MGMT: variants seen among roughly 807,000 people sequenced by gnomAD.
MGMT encodes the protein O-6-methylguanine-DNA methyltransferase.
Under a neutral mutation model 15.9 loss-of-function variants are expected in MGMT, and 14 were observed. That is an observed-to-expected ratio of 0.88 (90% CI 0.58 to 1.37). MGMT has a LOEUF of 1.37. Among genes scored for constraint, MGMT ranks in the 40% most tolerant of loss-of-function variants. MGMT has a pLI of 0.00. For synonymous variants in MGMT, 130 were observed against 118.2 expected, an observed-to-expected ratio of 1.10 and a Z score of -0.65; for missense variants, 282 against 268.1, an observed-to-expected ratio of 1.05 and a Z score of -0.36.
intron 1 of MGMT, among the ~76,000 whole-genome samples, chr10:129,521,434 G>T (rs1315642349): frequency 6.6e-6 from 1 of 152,206 alleles, no homozygotes; most frequent in African/African-American, 2.4e-5. Context: ...GATTCTTCCA[G>T]ATTACTGGAT....
At chr10:129,759,932 G>A (rs1375543456) in intron 4 of MGMT, among the ~76,000 whole-genome samples, 10 of 152,312 alleles carry the variant, frequency 6.6e-5, no homozygotes, top group African/African-American at 2.4e-4. Flanking sequence ...CACGCACCTC[G>A]TGTCTCACCA....
intron 2 of MGMT, among the ~76,000 whole-genome samples, chr10:129,578,642 C>G (rs1212268418): frequency 2.0e-5 from 3 of 152,136 alleles, no homozygotes; most frequent in Non-Finnish European, 4.4e-5. Context: ...TGTAAGAAAC[C>G]TGCACGTTGT....
At chr10:129,489,359 CAAAAA>C (rs34274988) in intron 1 of MGMT, among the ~76,000 whole-genome samples, 15 of 57,348 alleles carry the variant, frequency 2.6e-4, no homozygotes, top group Non-Finnish European at 3.6e-4. Context: ...GACTCTGTCT[CAAAAA>C]AAAAAAAAAA....
At chr10:129,672,959 G>A (rs981758149) in intron 2 of MGMT, among the ~76,000 whole-genome samples, 1 of 152,200 alleles carries the variant, frequency 6.6e-6, no homozygotes, top group African/African-American at 2.4e-5. Context: ...GGCACCGGCA[G>A]TGTGGGATCA....
chr10:129,616,687 C>T (rs1013544734), intron 2 of MGMT, among the ~76,000 whole-genome samples: 1 of 152,186 alleles, frequency 6.6e-6, no homozygotes, highest in African/African-American at 2.4e-5. Context: ...TCGAGAGTCA[C>T]CTTGTTAACT....
At chr10:129,513,802 G>A (rs201484329) in intron 1 of MGMT, among the ~76,000 whole-genome samples, 2 of 152,156 alleles carry the variant, frequency 1.3e-5, no homozygotes, top group Admixed American at 6.5e-5. Flanking sequence ...TCTTCATTGC[G>A]GACAGAGGCT....
intron 2 of MGMT, among the ~76,000 whole-genome samples, chr10:129,611,761 A>G (rs1846963599): frequency 6.6e-6 from 1 of 152,222 alleles, no homozygotes; most frequent in African/African-American, 2.4e-5. Context: ...ATAACCTTGG[A>G]TGAGATGCTT....
intron 3 of MGMT, among the ~76,000 whole-genome samples, chr10:129,738,937 A>C (rs374459297): frequency 2.2e-4 from 34 of 152,262 alleles, no homozygotes; most frequent in Admixed American, 2.2e-3. Flanking sequence ...CCAGCAGCAC[A>C]TCAAAAAGTT....
At chr10:129,712,366 T>A (rs1025201180) in intron 3 of MGMT, among the ~76,000 whole-genome samples, 2 of 152,256 alleles carry the variant, frequency 1.3e-5, no homozygotes, top group African/African-American at 4.8e-5. Flanking sequence ...TTTAACACTT[T>A]AATAATTCCT....
intron 2 of MGMT, among the ~76,000 whole-genome samples, chr10:129,638,453 A>AAAAAAAAG: frequency 2.0e-5 from 3 of 149,148 alleles, no homozygotes; most frequent in Non-Finnish European, 4.5e-5. Context: ...AAAGAAAAAA[A>AAAAAAAAG]AAAGAAAAAT....
chr10:129,646,731 TATATATATA>T (rs1847394103), intron 2 of MGMT, among the ~76,000 whole-genome samples: 1 of 100,312 alleles, frequency 1.0e-5, no homozygotes, highest in Non-Finnish European at 2.0e-5. Context: ...TATATATATA[TATATATATA>T]TATATATATA....
rs137872501 is a variant in MGMT at position 129,565,908 on chromosome 10, A to G, written c.125+29531A>G. ...TGGTGCTTTTTTTGCTGGGGCTTGG[A>G]CCGGAGCGTCTTTAGAGTGACCACT... On this transcript the variant is annotated intron_variant, in intron 2 of 4. Transcript: ENST00000651593. 5.7e-3 allele frequency among the ~76,000 whole-genome samples: 864 copies of G among 152,034 alleles called. 3 individuals carry two copies. The highest frequency in any genetic ancestry group is 8.5e-3 in the Non-Finnish European group (580 of 67,972).
intron 3 of MGMT, among the ~76,000 whole-genome samples, chr10:129,740,088 G>C (rs370887872): frequency 3.2e-4 from 49 of 152,316 alleles, no homozygotes; most frequent in East Asian, 2.7e-3. Context: ...GTATTTTCTC[G>C]TTAGCAGAGC....
At chr10:129,625,703 C>A (rs1847139108) in intron 2 of MGMT, among the ~76,000 whole-genome samples, 1 of 149,250 alleles carries the variant, frequency 6.7e-6, no homozygotes, top group African/African-American at 2.5e-5. Context: ...TCTTACATGA[C>A]AGCGTGTATA....
intron 2 of MGMT, among the ~76,000 whole-genome samples, chr10:129,572,877 A>G (rs1193297662): frequency 6.6e-6 from 1 of 152,144 alleles, no homozygotes; most frequent in Non-Finnish European, 1.5e-5. Flanking sequence ...CCCTATTATT[A>G]ATATACATTT....
rs560782979 is a variant in MGMT at position 129,661,464 on chromosome 10, T to C, written c.126-46431T>C. 1.1e-4 allele frequency among the ~76,000 whole-genome samples: 16 copies of C among 152,346 alleles called. No individual in the cohort carries two copies. The South Asian group carries it at 1.7e-3, about 16-fold the overall frequency. ...GGATTTCTAAAATGGCTTTTTATTT[T>C]TCAAAAAGCTTACATTTGACAACTA... On this transcript the variant is annotated intron_variant, in intron 2 of 4. Coordinates refer to ENST00000651593, the MANE Select transcript of MGMT (RefSeq NM_002412.5).
At chr10:129,701,182 C>T (rs534224727) in intron 2 of MGMT, 59 of 152,356 alleles carry the variant, frequency 3.9e-4, no homozygotes, top group African/African-American at 1.3e-3. Context: ...CGTCCAAGCT[C>T]GGCACCTTGC....
intron 2 of MGMT, among the ~76,000 whole-genome samples, chr10:129,615,282 A>C (rs911772338): frequency 1.3e-5 from 2 of 152,156 alleles, no homozygotes; most frequent in African/African-American, 2.4e-5. Context: ...GCCTCCCCTG[A>C]CGTGCCCCTG....
chr10:129,506,061 G>A (rs1845622040), intron 1 of MGMT, among the ~76,000 whole-genome samples: 1 of 150,698 alleles, frequency 6.6e-6, no homozygotes, highest in South Asian at 2.1e-4. Context: ...TTTCAACTGG[G>A]GGCAGTTTTG....
Sources: allele counts gnomAD v4.1 joint callset (sites outside exome capture counted in the v4.1 genomes callset), GRCh38; gene constraint gnomAD v4.1.1; transcripts MANE v1.5; gene names NCBI Gene and HGNC (gene_info 2026-07-23, HGNC 2026-07-21).